CARD14: variants seen among roughly 807,000 people sequenced by gnomAD.
CARD14 encodes caspase recruitment domain family member 14, also known as caspase recruitment domain-containing protein 14.
A neutral mutation model predicts 111.5 loss-of-function variants in CARD14; 107 were observed. The observed-to-expected ratio is 0.96, with a 90% confidence interval of 0.82 to 1.13. The LOEUF (loss-of-function observed/expected upper bound fraction) is 1.13, where lower values mean the gene tolerates loss of function less well. Among genes scored for constraint, CARD14 ranks in the 50% most tolerant of loss-of-function variants. The pLI is 0.00. For missense variants in CARD14, 1,322 were observed against 1,362.3 expected (o/e 0.97, Z 0.47); for synonymous variants, 617 against 579.6 (o/e 1.06, Z -0.93).
At position 80,204,214 on chromosome 17, in the gene CARD14, G is replaced by A. The variant is rs759790048; in HGVS notation, c.2284-13G>A. Reference sequence around the variant, plus strand: ...AACAGCTCCTCCTCATCCTTTCTCTGTCCCTCCTTTAGCCATCTTCTGGGG... The same window carrying A: ...AACAGCTCCTCCTCATCCTTTCTCTATCCCTCCTTTAGCCATCTTCTGGGG... On this transcript the variant is annotated splice_polypyrimidine_tract_variant and intron_variant, in intron 19 of 23. Transcript: ENST00000648509. 1.9e-6 allele frequency: 3 copies of A among 1,575,370 alleles called. No homozygotes were observed. Among genetic ancestry groups the A allele is most frequent in the African/African-American group, 1.4e-5 (1 of 74,018 alleles).
rs1294646882 is a variant in CARD14, at chr17:80,182,737, T to A, written c.296T>A (p.Val99Asp). 1.2e-6 allele frequency: 2 copies of A among 1,614,132 alleles called. No homozygotes were observed. The highest frequency in any genetic ancestry group is 2.2e-5 in the South Asian group (2 of 91,086). Residue 99 changes from valine (V) to aspartate (D), a missense_variant, in exon 6 of 24, where the codon GTC (valine) becomes GAC (aspartate). Physicochemically the swap from Val to Asp is radical, Grantham distance 152. Coordinates refer to ENST00000648509, the MANE Select transcript of CARD14 (RefSeq NM_001366385.1). The surrounding 1 kb of genome is among the most constrained non-coding windows in gnomAD (Gnocchi z 4.7). The stretch of plus-strand genomic sequence containing the variant: ...AGCCTGAAGTTCCACAACCCTGACG[T>A]CTACACCCTGGTCACCGGGCTGCAG... ...LESLKFHNPD[V>D]YTLVTGLQPD...
chr17:80,195,393 A>T lies in CARD14; in HGVS notation c.1499+60A>T. 6.4e-7 allele frequency: 1 copy of T among 1,563,810 alleles called. No homozygotes were observed. On this transcript the variant is annotated intron_variant, in intron 13 of 23. Transcript: ENST00000648509. This position sits in a 1 kb window ranked among gnomAD's most constrained non-coding sequence, Gnocchi z 4.7. ...GCACTGGGGTCCTTCCTGGCAACTCACCAGAGACACCAACCTAGACCTCAG... is the reference window on the plus strand; with the variant it reads ...GCACTGGGGTCCTTCCTGGCAACTCTCCAGAGACACCAACCTAGACCTCAG...
chr17:80,186,217 A>C (rs911888954), intron 7 of CARD14, among the ~76,000 whole-genome samples: 2 of 151,730 alleles, frequency 1.3e-5, no homozygotes, highest in African/African-American at 4.8e-5. Context: ...CCCTTGGCTG[A>C]CTTTGGACCA....
chr17:80,187,009 C>G (rs191809469), intron 7 of CARD14, among the ~76,000 whole-genome samples: 1 of 152,378 alleles, frequency 6.6e-6, no homozygotes, highest in Non-Finnish European at 1.5e-5. Flanking sequence ...TCTGTGTACA[C>G]ACACATACTC....
chr17:80,191,394 G>A lies in CARD14; in HGVS notation c.1161G>A (p.Arg387=). The A allele has an allele frequency of 6.2e-7, 1 of 1,613,928 alleles. No homozygotes were observed. Among genetic ancestry groups the A allele is most frequent in the Non-Finnish European group, 8.5e-7 (1 of 1,180,038 alleles). Residue 387 remains arginine (R), a synonymous_variant, in exon 11 of 24, where the codon AGG becomes AGA. Coordinates refer to ENST00000648509, the MANE Select transcript of CARD14 (RefSeq NM_001366385.1). ...TGGTGGAGAAGGACTCCCTCCGCAG[G>A]CAGGTGTTCGAGCTGACGGACCAGG... ...QSLVEKDSLR[R]QVFELTDQVC...
chr17:80,186,584 C>T (rs966161931), intron 7 of CARD14, among the ~76,000 whole-genome samples: 1 of 152,088 alleles, frequency 6.6e-6, no homozygotes, highest in Non-Finnish European at 1.5e-5. Context: ...GAGTCTCACT[C>T]GCTTCCCAAG....
Position 80,182,853 on chromosome 17 carries a change from C to T in CARD14, c.349+63C>T. The T allele has an allele frequency of 6.3e-7, 1 of 1,596,268 alleles. No homozygotes were observed. Among genetic ancestry groups the T allele is most frequent in the South Asian group, 1.1e-5 (1 of 90,086 alleles). On this transcript the variant is annotated intron_variant, in intron 6 of 23. Transcript: ENST00000648509. The surrounding 1 kb of genome is among the most constrained non-coding windows in gnomAD (Gnocchi z 4.7). ...TAGGAACCTCAGGCTCCTGGTAACC[C>T]CAGGTGCCCCGCTTACTTGCCGATT... is the stretch of plus-strand genomic sequence containing the variant.
At chr17:80,186,478 T>C (rs2040347735) in intron 7 of CARD14, among the ~76,000 whole-genome samples, 1 of 152,222 alleles carries the variant, frequency 6.6e-6, no homozygotes. Flanking sequence ...CAGGGTCATC[T>C]TGTACCCGGC....
At chr17:80,200,229 A>AT (rs373332962) in intron 16 of CARD14, among the ~76,000 whole-genome samples, 32,155 of 74,600 alleles carry the variant, frequency 0.43, 9,220 homozygotes, top group Non-Finnish European at 0.53. Flanking sequence ...TTTACATGTC[A>AT]TTTTTTTTTT....
intron 16 of CARD14, chr17:80,200,909 G>C (rs2040941239): frequency 6.6e-6 from 1 of 152,278 alleles, no homozygotes; most frequent in African/African-American, 2.4e-5. Flanking sequence ...GCTCCTCTGA[G>C]AATCTACTGC....
chr17:80,187,816 C>T (rs1469903813), intron 7 of CARD14: 1 of 985,338 alleles, frequency 1.0e-6, no homozygotes, highest in Admixed American at 6.1e-5. Flanking sequence ...AGGAAGGAGG[C>T]CAGCAGGACC....
At chr17:80,196,377 C>A (rs1308890645) in intron 14 of CARD14, 1 of 152,168 alleles carries the variant, frequency 6.6e-6, no homozygotes, top group Non-Finnish European at 1.5e-5. Context: ...CGTGATAAAT[C>A]GAGAGAGACC....
chr17:80,188,916 T>A lies in CARD14; in HGVS notation c.843+372T>A, dbSNP rs1427550207. The A allele has an allele frequency of 6.4e-6, 1 of 156,566 alleles. No homozygotes were observed. Among genetic ancestry groups the A allele is most frequent in the African/African-American group, 2.4e-5 (1 of 41,544 alleles). The allele number at this position is 156,566 out of a possible 1,614,324, so 9.7% of individuals were successfully genotyped here. ...AAATACAAAAAGTAGCCGGGCATGG[T>A]GGTGCACACCTGTGGTCCCAGCTAT... is the stretch of plus-strand genomic sequence containing the variant. On this transcript the variant is annotated intron_variant, in intron 8 of 23. Transcript: ENST00000648509. The surrounding 1 kb of genome is among the most constrained non-coding windows in gnomAD (Gnocchi z 4.5).
intron 22 of CARD14, chr17:80,206,031 C>G (rs2041283124): frequency 5.6e-6 from 1 of 179,584 alleles, no homozygotes; most frequent in Admixed American, 5.5e-5. Flanking sequence ...AGTCTGGCAT[C>G]TGCGTGCCTC....
intron 2 of CARD14, among the ~76,000 whole-genome samples, chr17:80,176,004 C>T (rs1339453991): frequency 1.0e-5 from 1 of 95,790 alleles, no homozygotes; most frequent in Admixed American, 1.6e-4. Context: ...AAAACGGGAT[C>T]GTGCTATGTT....
chr17:80,179,467 T>C (rs961399030), intron 4 of CARD14, among the ~76,000 whole-genome samples, 166 bp downstream of exon 4: 4 of 152,244 alleles, frequency 2.6e-5, no homozygotes, highest in Admixed American at 2.6e-4. Flanking sequence ...GCACTGTTGA[T>C]GTAAAGCTGC....
intron 2 of CARD14, among the ~76,000 whole-genome samples, chr17:80,176,665 G>A (rs995884177): frequency 4.6e-5 from 7 of 152,322 alleles, no homozygotes; most frequent in African/African-American, 1.7e-4. Flanking sequence ...CAGGGCTGGA[G>A]TGGGGGCCCT....
chr17:80,199,058 TC>T, intron 16 of CARD14: 1 of 297,880 alleles, frequency 3.4e-6, no homozygotes, highest in Non-Finnish European at 5.0e-6. Context: ...CGATTGATCC[TC>T]CCACCTCAGC....
intron 14 of CARD14, chr17:80,197,656 C>G (rs1160135423): frequency 5.0e-6 from 1 of 199,588 alleles, no homozygotes; most frequent in South Asian, 9.8e-5. Flanking sequence ...TGCAGAAATA[C>G]AGGTCAGTGC....
Sources: allele counts gnomAD v4.1 joint callset (sites outside exome capture counted in the v4.1 genomes callset), GRCh38; gene constraint gnomAD v4.1.1; non-coding constraint Gnocchi (gnomAD v3.1); transcripts MANE v1.5; gene names NCBI Gene and HGNC (gene_info 2026-07-23, HGNC 2026-07-21).